ST8SIA2: variants seen among roughly 807,000 people sequenced by gnomAD.
ST8SIA2 encodes the protein ST8 alpha-N-acetyl-neuraminide alpha-2,8-sialyltransferase 2.
A neutral mutation model predicts 37.6 loss-of-function variants in ST8SIA2; 22 were observed. The observed-to-expected ratio is 0.58, with a 90% CI of 0.42 to 0.83. The LOEUF (loss-of-function observed/expected upper bound fraction) is 0.83. Ranked by LOEUF, ST8SIA2 falls within the 40% of genes least tolerant of loss-of-function variation. ST8SIA2 has a pLI of 0.00. For missense variants in ST8SIA2, 382 were observed against 484.7 expected, an observed-to-expected ratio of 0.79 and a Z score of 1.99; for synonymous variants, 205 against 201.2, an observed-to-expected ratio of 1.02 and a Z score of -0.16.
Position 92,464,510 on chromosome 15 carries a change from A to G in ST8SIA2, c.*125A>G, listed in dbSNP as rs765998788. The G allele has an allele frequency of 9.8e-7, 1 of 1,023,100 alleles. No homozygotes were observed. The highest frequency in any genetic ancestry group is 1.5e-6 in the Non-Finnish European group (1 of 657,562). 63.4% of individuals were successfully genotyped at this position (1,023,100 alleles called of 1,614,324 possible). ...GTGGTTTTCTTTGTTAAAGTGTAAAACAGTGACCAGAATATATATATCTAT... is the reference window on the plus strand; with the variant it reads ...GTGGTTTTCTTTGTTAAAGTGTAAAGCAGTGACCAGAATATATATATCTAT... On this transcript the variant is annotated 3_prime_UTR_variant, in exon 6 of 6. Transcript: ENST00000268164.
intron 1 of ST8SIA2, among the ~76,000 whole-genome samples, chr15:92,417,980 T>G (rs1411528397): frequency 6.6e-6 from 1 of 152,118 alleles, no homozygotes; most frequent in Non-Finnish European, 1.5e-5. Context: ...GACATATATT[T>G]AGGCAGGAGG....
intron 5 of ST8SIA2, among the ~76,000 whole-genome samples, chr15:92,453,232 C>T (rs933000058): frequency 6.6e-6 from 1 of 152,008 alleles, no homozygotes; most frequent in Non-Finnish European, 1.5e-5. Context: ...CCATTGACAC[C>T]CAAAGGATGC....
rs947321867 is a variant in ST8SIA2 at position 92,464,613 on chromosome 15, G to T, written c.*228G>T. 1.4e-5 allele frequency: 8 copies of T among 587,350 alleles called. No homozygotes were observed. The highest frequency in any genetic ancestry group is 5.6e-5 in the African/African-American group (3 of 53,712). The allele number at this position is 587,350 out of a possible 1,614,324, so 36.4% of individuals were successfully genotyped here. A position where few individuals can be genotyped will look rare whatever the true frequency, so the allele number is the denominator to read the frequency against. ...GCATTAGGCAGATAGGCCACAGGAA[G>T]AAGGTGTGGAGAACCCACCTGAACC... is the stretch of plus-strand genomic sequence containing the variant. On this transcript the variant is annotated 3_prime_UTR_variant, in exon 6 of 6. Coordinates refer to ENST00000268164, the MANE Select transcript of ST8SIA2 (RefSeq NM_006011.4).
intron 1 of ST8SIA2, among the ~76,000 whole-genome samples, chr15:92,396,962 CTT>C (rs2049436588): frequency 6.6e-6 from 1 of 152,202 alleles, no homozygotes; most frequent in Non-Finnish European, 1.5e-5. Context: ...GCACAAGAGG[CTT>C]TTGCACCAGC....
chr15:92,445,166 T>A (rs754958985), intron 5 of ST8SIA2: 1 of 606,660 alleles, frequency 1.6e-6, no homozygotes, highest in Non-Finnish European at 2.9e-6. Flanking sequence ...CCTAGGGAAC[T>A]GAGTTGAGAA....
At chr15:92,408,513 G>T (rs552574056) in intron 1 of ST8SIA2, among the ~76,000 whole-genome samples, 5 of 152,188 alleles carry the variant, frequency 3.3e-5, no homozygotes, top group African/African-American at 7.2e-5. Flanking sequence ...GGGATGAAGG[G>T]GAGGGAGTAA....
chr15:92,419,160 C>T (rs1049982824), intron 1 of ST8SIA2, among the ~76,000 whole-genome samples: 4 of 152,138 alleles, frequency 2.6e-5, no homozygotes, highest in African/African-American at 4.8e-5. Flanking sequence ...AACACCGATG[C>T]GGTTCCAGCC....
At chr15:92,440,566 C>T (rs559669178) in intron 4 of ST8SIA2, among the ~76,000 whole-genome samples, 1 of 152,268 alleles carries the variant, frequency 6.6e-6, no homozygotes, top group Admixed American at 6.5e-5. Context: ...TTCTTTGTCC[C>T]TTAGGCCTAT....
chr15:92,448,783 G>GCCTATTTAA (rs2049861051), intron 5 of ST8SIA2, among the ~76,000 whole-genome samples: 1 of 152,132 alleles, frequency 6.6e-6, no homozygotes, highest in African/African-American at 2.4e-5. Flanking sequence ...ATTTAAGACA[G>GCCTATTTAA]GACTCTGTAG....
intron 1 of ST8SIA2, among the ~76,000 whole-genome samples, chr15:92,425,303 T>G (rs7172858): frequency 0.038 from 5,811 of 152,306 alleles, 367 homozygotes; most frequent in African/African-American, 0.13. Flanking sequence ...TCTTCCCTGT[T>G]CTATGAACAA....
At chr15:92,463,982 C>A (rs978026725) in intron 5 of ST8SIA2, 118 bp from the exon 6 acceptor site, 1 of 1,382,512 alleles carries the variant, frequency 7.2e-7, no homozygotes, top group Non-Finnish European at 9.7e-7. Context: ...GTAGCTTGAT[C>A]GGTCCCTGGA....
At chr15:92,442,345 T>C (rs1362382258) in intron 4 of ST8SIA2, among the ~76,000 whole-genome samples, 1 of 152,176 alleles carries the variant, frequency 6.6e-6, no homozygotes, top group East Asian at 1.9e-4. Context: ...CAGCCCCTGT[T>C]CCCATTACCC....
chr15:92,445,010 C>T (rs1303547789), intron 5 of ST8SIA2, 81 bp downstream of exon 5: 80 of 1,579,300 alleles, frequency 5.1e-5, no homozygotes, highest in Non-Finnish European at 6.5e-5. Flanking sequence ...TTCCCAGGTG[C>T]ATTTCCATCC....
At position 92,434,228 on chromosome 15, in the gene ST8SIA2, C is replaced by CA; in HGVS notation, c.162-19_162-18insA. 1 of 1,606,816 alleles carries CA rather than the reference C, an allele frequency of 6.2e-7. No homozygotes were observed. Among genetic ancestry groups the CA allele is most frequent in the Non-Finnish European group, 8.5e-7 (1 of 1,175,424 alleles). ...CTAACACATCATGTCTACCCTCTTT[C>CA]TTTTTTTTTCCCTTCCAGAGCTGAA... is the stretch of plus-strand genomic sequence containing the variant. On this transcript the variant is annotated intron_variant, in intron 2 of 5. Coordinates refer to ENST00000268164, the MANE Select transcript of ST8SIA2 (RefSeq NM_006011.4).
At chr15:92,399,900 A>G (rs995127839) in intron 1 of ST8SIA2, among the ~76,000 whole-genome samples, 2 of 152,320 alleles carry the variant, frequency 1.3e-5, no homozygotes, top group African/African-American at 4.8e-5. Flanking sequence ...TCGAGAGGGG[A>G]TTCTAGAAAG....
chr15:92,412,592 C>G (rs140970500), intron 1 of ST8SIA2, among the ~76,000 whole-genome samples: 4 of 152,282 alleles, frequency 2.6e-5, no homozygotes, highest in African/African-American at 9.6e-5. Context: ...CCCTTCCTGT[C>G]CACTCCCCAG....
At chr15:92,430,213 A>T in intron 2 of ST8SIA2, 102 bp downstream of exon 2, 2 of 1,182,050 alleles carry the variant, frequency 1.7e-6, no homozygotes, top group Non-Finnish European at 2.5e-6. Flanking sequence ...TAGCAAATAG[A>T]TCTGTTTCGT....
intron 1 of ST8SIA2, chr15:92,417,657 T>C (rs1303754838): frequency 6.6e-6 from 1 of 152,180 alleles, no homozygotes; most frequent in African/African-American, 2.4e-5. Flanking sequence ...ACCTCTTGGT[T>C]AAGGTTCTGT....
At chr15:92,440,991 CTG>C (rs1384417818) in intron 4 of ST8SIA2, among the ~76,000 whole-genome samples, 1 of 152,240 alleles carries the variant, frequency 6.6e-6, no homozygotes, top group Non-Finnish European at 1.5e-5. Context: ...GTGTCCATCT[CTG>C]GGCCTCCCGT....
Sources: allele counts gnomAD v4.1 joint callset (sites outside exome capture counted in the v4.1 genomes callset), GRCh38; gene constraint gnomAD v4.1.1; transcripts MANE v1.5; gene names NCBI Gene and HGNC (gene_info 2026-07-23, HGNC 2026-07-21).